The following RPL26L1 variants were observed in gnomAD, a reference collection of about 807,000 sequenced individuals.
RPL26L1 encodes the protein ribosomal protein L26 like 1, also known as ribosomal protein uL24-like.
RPL26L1 carries 8 observed loss-of-function variants against 15.2 expected under a neutral mutation model. The observed-to-expected ratio is 0.53, with a 90% CI of 0.31 to 0.95. The LOEUF (loss-of-function observed/expected upper bound fraction) is 0.95. Ranked by LOEUF, RPL26L1 falls within the 40% of genes least tolerant of loss-of-function variation. The pLI, the probability that RPL26L1 is intolerant of heterozygous loss-of-function variation, is 0.05. For missense variants in RPL26L1, 146 were observed against 190.9 expected, an observed-to-expected ratio of 0.76 and a Z score of 1.39; for synonymous variants, 51 against 65.9, an observed-to-expected ratio of 0.77 and a Z score of 1.09.
upstream of RPL26L1, chr5:172,958,606 T>A: frequency 2.9e-6 from 1 of 347,358 alleles, no homozygotes; most frequent in Non-Finnish European, 6.0e-6. Flanking sequence ...GCGTGGTTGA[T>A]CTCCCTCACA....
At chr5:172,954,679 T>C (rs1024717646), upstream of RPL26L1, 1 of 270,322 alleles carries the variant, frequency 3.7e-6, no homozygotes, top group Non-Finnish European at 7.4e-6. Context: ...TTTTGGTTGG[T>C]TTATGTAAGG....
In RPL26L1 at chr5:172,969,472, C is replaced by A; in HGVS notation, c.369C>A (p.Ala123=). 3 of 1,613,670 alleles carry A rather than the reference C, an allele frequency of 1.9e-6. No individual in the cohort carries two copies. In the South Asian group the frequency reaches 3.3e-5, roughly 18 times the overall value. Residue 123 remains alanine (A), a synonymous_variant, in exon 4 of 4, where the codon GCC becomes GCA. Transcript: ENST00000265100. ...GGAAAAAAATTCTTGAACGCAAAGC[C>A]AAGTCTCGACAAGTTGGAAAAGAGA... ...KDRKKILERK[A]KSRQVGKEKG...
At chr5:172,957,171 C>T, upstream of RPL26L1, 1 of 456,232 alleles carries the variant, frequency 2.2e-6, no homozygotes, top group Non-Finnish European at 4.4e-6. Context: ...TTCCTCTGTG[C>T]TAGGTGCTTT....
At position 172,959,900 on chromosome 5, in the gene RPL26L1, G is replaced by A. The variant is rs780610484; in HGVS notation, c.27G>A (p.Ser9=). The change falls in exon 2 of 4, where the codon TCG becomes TCA. Residue 9 remains serine, a synonymous_variant. Coordinates refer to ENST00000265100, the MANE Select transcript of RPL26L1 (RefSeq NM_016093.4). MKFNPFVT[S]DRSKNRKRHF... is the part of the protein sequence containing the mutation. ...TGAAGTTCAATCCCTTCGTTACCTC[G>A]GACCGCAGTAAAAACCGCAAACGTC... 1.3e-5 allele frequency: 21 copies of A among 1,613,952 alleles called. No homozygotes were observed. Among genetic ancestry groups the A allele is most frequent in the Non-Finnish European group, 1.8e-5 (21 of 1,180,028 alleles).
intron 2 of RPL26L1, among the ~76,000 whole-genome samples, chr5:172,965,834 C>A (rs1397525958): frequency 1.3e-5 from 2 of 152,210 alleles, no homozygotes; most frequent in Non-Finnish European, 2.9e-5. Context: ...CTATTGCTGG[C>A]CCAGTTGGCA....
At chr5:172,955,165 A>G (rs1764329910), upstream of RPL26L1, 1 of 329,012 alleles carries the variant, frequency 3.0e-6, no homozygotes, top group Non-Finnish European at 5.6e-6. Flanking sequence ...AGACGGAGTC[A>G]TTGCCCAGGC....
At chr5:172,967,117 G>A (rs973732038) in intron 2 of RPL26L1, among the ~76,000 whole-genome samples, 1 of 151,332 alleles carries the variant, frequency 6.6e-6, no homozygotes, top group Non-Finnish European at 1.5e-5. Context: ...GCCTCCCAAA[G>A]TGCTGGGATT....
upstream of RPL26L1, chr5:172,959,341 A>G: frequency 2.0e-6 from 2 of 1,001,974 alleles, no homozygotes; most frequent in Non-Finnish European, 2.4e-6. Flanking sequence ...ATCCCACCCC[A>G]AGCCGCTGGG....
chr5:172,965,772 C>T (rs956574171), intron 2 of RPL26L1, among the ~76,000 whole-genome samples: 6 of 152,172 alleles, frequency 3.9e-5, no homozygotes, highest in African/African-American at 1.2e-4. Context: ...ACCATCACTC[C>T]TTGAGCAACA....
chr5:172,959,881 T>G lies in RPL26L1; in HGVS notation c.8T>G (p.Phe3Cys). 6.2e-7 allele frequency: 1 copy of G among 1,614,084 alleles called. No homozygotes were observed. The change falls in exon 2 of 4, where the codon TTC (phenylalanine) becomes TGC (cysteine). Residue 3 changes from phenylalanine to cysteine, a missense_variant. Physicochemically the swap from Phe to Cys is radical, Grantham distance 205 (BLOSUM62 -2). Coordinates refer to ENST00000265100, the MANE Select transcript of RPL26L1 (RefSeq NM_016093.4). Reference sequence around the variant, plus strand: ...CCTTTGTAGAGGGTCACCATGAAGTTCAATCCCTTCGTTACCTCGGACCGC... The same window carrying G: ...CCTTTGTAGAGGGTCACCATGAAGTGCAATCCCTTCGTTACCTCGGACCGC... MK[F>C]NPFVTSDRSK...
intron 2 of RPL26L1, among the ~76,000 whole-genome samples, chr5:172,962,277 C>T (rs913098259): frequency 6.6e-6 from 1 of 152,086 alleles, no homozygotes; most frequent in Non-Finnish European, 1.5e-5. Context: ...GAGGCCCAGG[C>T]GGGTGGATCC....
chr5:172,958,301 G>T, upstream of RPL26L1: 1 of 416,392 alleles, frequency 2.4e-6, no homozygotes, highest in South Asian at 1.7e-5. Flanking sequence ...ATTAGTAAAC[G>T]CAGGTGTTTA....
chr5:172,959,819 A>G, intron 1 of RPL26L1, 46 bp from the exon 2 acceptor site: 1 of 1,593,198 alleles, frequency 6.3e-7, no homozygotes. Flanking sequence ...AGGCCCCTGT[A>G]ACCCACTGAG....
At position 172,959,443 on chromosome 5, in the gene RPL26L1, C is replaced by T; in HGVS notation, c.-35C>T. 1.0e-6 allele frequency: 1 copy of T among 1,001,272 alleles called. No homozygotes were observed. The highest frequency in any genetic ancestry group is 4.2e-5 in the South Asian group (1 of 24,090). 62.0% of individuals were successfully genotyped at this position (1,001,272 alleles called of 1,614,324 possible). A position where few individuals can be genotyped will look rare whatever the true frequency, so the allele number is the denominator to read the frequency against. On this transcript the variant is annotated 5_prime_UTR_variant, in exon 1 of 4. Transcript: ENST00000265100. The stretch of plus-strand genomic sequence containing the variant: ...AAACTCACTTCCGGCCCTGCGCACT[C>T]AGGGTCTGAGGCAGCTAGTAGCCGG...
upstream of RPL26L1, among the ~76,000 whole-genome samples, chr5:172,954,534 C>T (rs897916742): frequency 6.6e-5 from 10 of 151,750 alleles, no homozygotes; most frequent in South Asian, 2.1e-4. Context: ...AAGATCTAGC[C>T]GCTGCACTCC....
Position 172,969,472 on chromosome 5 carries a change from C to T in RPL26L1, c.369C>T (p.Ala123=), listed in dbSNP as rs1755603989. 1 of 1,613,550 alleles carries T rather than the reference C, an allele frequency of 6.2e-7. No homozygotes were observed. Among genetic ancestry groups the T allele is most frequent in the South Asian group, 1.1e-5 (1 of 91,076 alleles). The part of the protein sequence containing the change: ...KDRKKILERK[A]KSRQVGKEKG... Reference sequence around the variant, plus strand: ...GGAAAAAAATTCTTGAACGCAAAGCCAAGTCTCGACAAGTTGGAAAAGAGA... The same window carrying T: ...GGAAAAAAATTCTTGAACGCAAAGCTAAGTCTCGACAAGTTGGAAAAGAGA... Residue 123 remains alanine, a synonymous_variant, in exon 4 of 4, where the codon GCC becomes GCT. Coordinates refer to ENST00000265100, the MANE Select transcript of RPL26L1 (RefSeq NM_016093.4).
chr5:172,958,733 A>G (rs1755084990), upstream of RPL26L1: 1 of 246,470 alleles, frequency 4.1e-6, no homozygotes, highest in Non-Finnish European at 8.6e-6. Flanking sequence ...GGGGTCGGCG[A>G]ACGAAACGCG....
At chr5:172,956,664 G>A (rs1754986444), upstream of RPL26L1, among the ~76,000 whole-genome samples, 4 of 152,132 alleles carry the variant, frequency 2.6e-5, no homozygotes, top group Admixed American at 2.0e-4. Flanking sequence ...CAGGCCGGGT[G>A]TGGTGGCTCA....
rs1755388530 is a variant in RPL26L1, at chr5:172,964,845, T to TCAC, written c.169-3614_169-3613insCAC. Among the ~76,000 whole-genome samples, 5 of 152,214 alleles carry TCAC rather than the reference T, an allele frequency of 3.3e-5. No homozygotes were observed. The South Asian group carries it at 1.0e-3, about 31-fold the overall frequency. ...GTGGCTCCACACCTACACGTTTACCTGTAGTTCCACCCCTCTTATTTTCTT... is the reference window on the plus strand; with the variant it reads ...GTGGCTCCACACCTACACGTTTACCTCACGTAGTTCCACCCCTCTTATTTTCTT... On this transcript the variant is annotated intron_variant, in intron 2 of 3. Transcript: ENST00000265100.
Sources: gnomAD v4.1 joint callset for allele counts (sites outside exome capture counted in the v4.1 genomes callset) on GRCh38, gnomAD v4.1.1 for gene constraint, MANE v1.5 for transcripts, NCBI Gene and HGNC (gene_info 2026-07-23, HGNC 2026-07-21) for gene names.